PRKCE: variants seen among roughly 807,000 people sequenced by gnomAD.
PRKCE encodes protein kinase C epsilon, also known as protein kinase C epsilon type.
In PRKCE, 16 loss-of-function variants were observed where a neutral mutation model predicts 85.4. That is an observed-to-expected ratio of 0.19 (90% CI 0.13 to 0.28). The LOEUF (loss-of-function observed/expected upper bound fraction) is 0.28. Ranked by LOEUF, PRKCE falls within the 10% of genes least tolerant of loss-of-function variation. The pLI, the probability that PRKCE is intolerant of heterozygous loss-of-function variation, is 1.00. For synonymous variants in PRKCE, 388 were observed against 371.5 expected (o/e 1.04, Z -0.51); for missense variants, 573 against 975.2 (o/e 0.59, Z 5.49).
chr2:45,829,338 G>T (rs1481636265), intron 1 of PRKCE, among the ~76,000 whole-genome samples: 2 of 152,108 alleles, frequency 1.3e-5, no homozygotes, highest in Non-Finnish European at 2.9e-5. Flanking sequence ...CTGCATAATA[G>T]TACTTCAGAT....
At chr2:45,843,489 C>T (rs1040949926) in intron 2 of PRKCE, among the ~76,000 whole-genome samples, 2 of 152,236 alleles carry the variant, frequency 1.3e-5, no homozygotes, top group African/African-American at 4.8e-5. Flanking sequence ...AGAAGTGGGA[C>T]TTCTTTTACC....
rs1680476394 is a variant in PRKCE, at chr2:46,186,736, GT to G, written c.*1858del. ...AGAGAAAGGAATGTTTTTGATGGTG[GT>G]TTCAAAGCTCGGACAGTAACTATCT... On this transcript the variant is annotated 3_prime_UTR_variant, in exon 15 of 15. Coordinates refer to ENST00000306156, the MANE Select transcript of PRKCE (RefSeq NM_005400.3). 1.3e-5 allele frequency: 2 copies of G among 152,616 alleles called. No homozygotes were observed. Among genetic ancestry groups the G allele is most frequent in the Admixed American group, 1.3e-4 (2 of 15,276 alleles). 9.5% of individuals were successfully genotyped at this position (152,616 alleles called of 1,614,324 possible). A position where few individuals can be genotyped will look rare whatever the true frequency, so the allele number is the denominator to read the frequency against.
At chr2:45,874,758 A>G (rs1238947532) in intron 2 of PRKCE, among the ~76,000 whole-genome samples, 1 of 152,164 alleles carries the variant, frequency 6.6e-6, no homozygotes, top group African/African-American at 2.4e-5. Flanking sequence ...CTGTTTCCAG[A>G]GAGGATTCTT....
intron 9 of PRKCE, among the ~76,000 whole-genome samples, chr2:46,009,220 C>A (rs1389102221): frequency 6.6e-6 from 1 of 152,082 alleles, no homozygotes; most frequent in African/African-American, 2.4e-5. Flanking sequence ...AGGACAGATT[C>A]AACTACATAA....
chr2:45,711,129 C>T (rs1679597017), intron 1 of PRKCE, among the ~76,000 whole-genome samples: 1 of 152,214 alleles, frequency 6.6e-6, no homozygotes, highest in Non-Finnish European at 1.5e-5. Context: ...GATTAACGTG[C>T]AACTCAACCA....
At chr2:45,674,553 A>G (rs1427687650) in intron 1 of PRKCE, 3 of 152,178 alleles carry the variant, frequency 2.0e-5, no homozygotes, top group Admixed American at 6.5e-5. Flanking sequence ...GTCAGTGCAT[A>G]TATTTCTAGA....
intron 10 of PRKCE, chr2:46,078,105 A>G (rs1668714487): frequency 6.6e-6 from 1 of 152,212 alleles, no homozygotes; most frequent in Non-Finnish European, 1.5e-5. Flanking sequence ...TTTCAAAGAC[A>G]ATAAAACATT....
chr2:46,130,585 A>G (rs1674333300), intron 11 of PRKCE, among the ~76,000 whole-genome samples: 1 of 152,222 alleles, frequency 6.6e-6, no homozygotes, highest in Non-Finnish European at 1.5e-5. Flanking sequence ...AGACTGCTTA[A>G]AGGATTTATT....
intron 1 of PRKCE, among the ~76,000 whole-genome samples, chr2:45,838,878 G>A (rs749969041): frequency 4.7e-4 from 71 of 152,204 alleles, no homozygotes; most frequent in Non-Finnish European, 7.8e-4. Flanking sequence ...GTTTGTTATA[G>A]TAGAAATAAC....
chr2:45,849,790 C>T (rs1421799164), intron 2 of PRKCE, among the ~76,000 whole-genome samples: 3 of 152,180 alleles, frequency 2.0e-5, no homozygotes, highest in African/African-American at 7.2e-5. Flanking sequence ...CCACACCCCA[C>T]CCCGGCATAA....
intron 1 of PRKCE, among the ~76,000 whole-genome samples, chr2:45,733,742 A>C (rs1235266708): frequency 6.6e-6 from 1 of 152,048 alleles, no homozygotes; most frequent in African/African-American, 2.4e-5. Context: ...TCTTCCCCCA[A>C]AGTCGTGTAG....
Position 45,655,221 on chromosome 2 carries a change from G to C in PRKCE, c.348+2773G>C, listed in dbSNP as rs142630822. 2.8e-3 allele frequency among the ~76,000 whole-genome samples: 429 copies of C among 152,286 alleles called. 4 individuals carry two copies. Among genetic ancestry groups the C allele is most frequent in the African/African-American group, 0.01 (417 of 41,560 alleles). Reference sequence around the variant, plus strand: ...GGGGCTTCCATTTCACCAAGGAATTGACACCAAGTACCCACATATACATCA... The same window carrying C: ...GGGGCTTCCATTTCACCAAGGAATTCACACCAAGTACCCACATATACATCA... On this transcript the variant is annotated intron_variant, in intron 1 of 14. Transcript: ENST00000306156.
chr2:45,957,414 A>G (rs935701037), intron 2 of PRKCE, among the ~76,000 whole-genome samples: 7 of 152,216 alleles, frequency 4.6e-5, no homozygotes, highest in African/African-American at 1.7e-4. Flanking sequence ...TTGAAAATCA[A>G]TTGTATGCAC....
At chr2:46,173,886 T>A (rs1679163277) in intron 14 of PRKCE, among the ~76,000 whole-genome samples, 1 of 152,204 alleles carries the variant, frequency 6.6e-6, no homozygotes, top group South Asian at 2.1e-4. Flanking sequence ...AGTTTTCTTT[T>A]TTCCTAAAGT....
intron 2 of PRKCE, among the ~76,000 whole-genome samples, chr2:45,945,308 C>T (rs766346642): frequency 6.6e-6 from 1 of 152,052 alleles, no homozygotes; most frequent in Non-Finnish European, 1.5e-5. Flanking sequence ...AGGAAGCTTA[C>T]GATCATGGCA....
chr2:46,156,098 G>C (rs558873376), intron 13 of PRKCE, among the ~76,000 whole-genome samples: 1 of 146,902 alleles, frequency 6.8e-6, no homozygotes, highest in African/African-American at 2.5e-5. Context: ...GCCATTTCGC[G>C]CCTCATCCCC....
At chr2:45,973,956 G>T (rs868380140) in intron 2 of PRKCE, among the ~76,000 whole-genome samples, 1 of 152,136 alleles carries the variant, frequency 6.6e-6, no homozygotes, top group Non-Finnish European at 1.5e-5. Context: ...ATTAGGAGAC[G>T]GGCTTACTGT....
At chr2:45,865,298 G>A (rs979085807) in intron 2 of PRKCE, among the ~76,000 whole-genome samples, 50 of 151,986 alleles carry the variant, frequency 3.3e-4, no homozygotes, top group African/African-American at 1.0e-3. Flanking sequence ...GTGGCAAAAG[G>A]AGGAGGAGGA....
intron 13 of PRKCE, among the ~76,000 whole-genome samples, chr2:46,153,447 A>G (rs182803810): frequency 6.6e-6 from 1 of 152,224 alleles, no homozygotes; most frequent in Non-Finnish European, 1.5e-5. Flanking sequence ...CTAAATGGTA[A>G]CAAGTGCAAA....
Sources: allele counts gnomAD v4.1 joint callset (sites outside exome capture counted in the v4.1 genomes callset), GRCh38; gene constraint gnomAD v4.1.1; transcripts MANE v1.5; gene names NCBI Gene and HGNC (gene_info 2026-07-23, HGNC 2026-07-21).